Variants in ZNF804B observed in about 807,000 individuals in gnomAD.
ZNF804B encodes zinc finger protein 804B.
ZNF804B carries 80 observed loss-of-function variants against 101.4 expected under a neutral mutation model. The observed-to-expected ratio is 0.79, with a 90% CI of 0.66 to 0.95. The LOEUF (loss-of-function observed/expected upper bound fraction) is 0.95. Ranked by LOEUF, ZNF804B falls within the 40% of genes least tolerant of loss-of-function variation. The pLI, the probability that ZNF804B is intolerant of heterozygous loss-of-function variation, is 0.00. For synonymous variants in ZNF804B, 622 were observed against 558.8 expected (o/e 1.11, Z -1.59); for missense variants, 1,673 against 1,561.9 (o/e 1.07, Z -1.20).
intron 2 of ZNF804B, among the ~76,000 whole-genome samples, chr7:89,316,679 T>C (rs1790730532): frequency 6.6e-6 from 1 of 151,966 alleles, no homozygotes; most frequent in South Asian, 2.1e-4. Flanking sequence ...AAAGCTGAGG[T>C]TGTAATGTAA....
At chr7:88,967,459 G>A (rs1209144839) in intron 1 of ZNF804B, among the ~76,000 whole-genome samples, 2 of 151,580 alleles carry the variant, frequency 1.3e-5, no homozygotes, top group Non-Finnish European at 3.0e-5. Flanking sequence ...ACTTCGATGT[G>A]AGATTTGGGT....
chr7:89,100,917 G>T (rs888674792), intron 1 of ZNF804B, among the ~76,000 whole-genome samples: 6 of 151,790 alleles, frequency 4.0e-5, no homozygotes, highest in African/African-American at 9.7e-5. Flanking sequence ...AAGTTTCAAG[G>T]TTATATGTGT....
Position 88,806,638 on chromosome 7 carries a change from T to C in ZNF804B, c.108+46554T>C, listed in dbSNP as rs190914714. The stretch of plus-strand genomic sequence containing the variant: ...AGGGGTGTGTGTGTGTGTGTGTGTA[T>C]GTGTGTGTATGTGTGTGTGTTGTTA... On this transcript the variant is annotated intron_variant, in intron 1 of 3. Coordinates refer to ENST00000333190, the MANE Select transcript of ZNF804B (RefSeq NM_181646.5). Among the ~76,000 whole-genome samples the C allele has an allele frequency of 1.8e-4, 27 of 151,396 alleles. No homozygotes were observed. The East Asian group carries it at 4.1e-3, about 23-fold the overall frequency.
At chr7:89,119,058 T>C (rs748232100) in intron 1 of ZNF804B, among the ~76,000 whole-genome samples, 6 of 152,216 alleles carry the variant, frequency 3.9e-5, no homozygotes, top group Non-Finnish European at 7.3e-5. Flanking sequence ...TAATTCATCA[T>C]CATTAGACTG....
intron 1 of ZNF804B, among the ~76,000 whole-genome samples, chr7:88,815,419 G>T (rs1194449776): frequency 6.7e-6 from 1 of 149,362 alleles, no homozygotes; most frequent in Non-Finnish European, 1.5e-5. Context: ...AAATTAGTGT[G>T]AGGCTGTGTT....
intron 1 of ZNF804B, among the ~76,000 whole-genome samples, chr7:89,079,471 T>G (rs1330347417): frequency 6.6e-6 from 1 of 152,040 alleles, no homozygotes; most frequent in Non-Finnish European, 1.5e-5. Context: ...CTTTGGTAAA[T>G]TTTTCAATAT....
chr7:89,236,140 A>G (rs1789275355), intron 2 of ZNF804B, among the ~76,000 whole-genome samples: 1 of 152,100 alleles, frequency 6.6e-6, no homozygotes, highest in African/African-American at 2.4e-5. Context: ...ATTAAATTCA[A>G]TCAACATTTA....
chr7:89,077,086 G>GAAGAGCTATCTACACAGCCTATGTAGA (rs144602940), intron 1 of ZNF804B, among the ~76,000 whole-genome samples: 1 of 151,950 alleles, frequency 6.6e-6, no homozygotes, highest in Admixed American at 6.6e-5. Context: ...CAGTGATGAT[G>GAAGAGCTATCTACACAGCCTATGTAGA]ATGTTCCCTT....
intron 1 of ZNF804B, among the ~76,000 whole-genome samples, chr7:89,217,158 A>G (rs990536744): frequency 4.6e-5 from 7 of 152,216 alleles, no homozygotes; most frequent in Non-Finnish European, 8.8e-5. Flanking sequence ...ATTTAATGCT[A>G]TGTGACATAT....
intron 1 of ZNF804B, among the ~76,000 whole-genome samples, chr7:88,853,630 C>T (rs1791477556): frequency 1.3e-5 from 2 of 151,998 alleles, no homozygotes; most frequent in South Asian, 4.1e-4. Flanking sequence ...CATTAAAATG[C>T]TATATATAAC....
chr7:88,796,543 T>C (rs1180247733), intron 1 of ZNF804B, among the ~76,000 whole-genome samples: 1 of 152,140 alleles, frequency 6.6e-6, no homozygotes, highest in Admixed American at 6.6e-5. Flanking sequence ...AGTGTCCATG[T>C]TGACCAGAGC....
At chr7:89,167,119 G>T (rs2116427948) in intron 1 of ZNF804B, among the ~76,000 whole-genome samples, 1 of 151,812 alleles carries the variant, frequency 6.6e-6, no homozygotes, top group African/African-American at 2.4e-5. Context: ...TATGTGGTTT[G>T]TCTGCTAGTT....
chr7:89,015,774 G>C (rs1788542794), intron 1 of ZNF804B, among the ~76,000 whole-genome samples: 1 of 152,106 alleles, frequency 6.6e-6, no homozygotes, highest in Non-Finnish European at 1.5e-5. Flanking sequence ...CTTTGCTATT[G>C]TGAATAGTGC....
intron 2 of ZNF804B, among the ~76,000 whole-genome samples, chr7:89,256,325 G>A (rs541532857): frequency 5.9e-5 from 9 of 152,250 alleles, no homozygotes; most frequent in Admixed American, 2.6e-4. Context: ...AGGCTGAGGC[G>A]AAAGGATTGC....
At chr7:89,028,232 A>G (rs1284588303) in intron 1 of ZNF804B, among the ~76,000 whole-genome samples, 6 of 152,204 alleles carry the variant, frequency 3.9e-5, no homozygotes, top group African/African-American at 9.6e-5. Flanking sequence ...TCTTAACCCA[A>G]TATTGGCAGG....
chr7:89,153,787 A>G (rs1346995379), intron 1 of ZNF804B, among the ~76,000 whole-genome samples: 3 of 152,072 alleles, frequency 2.0e-5, no homozygotes, highest in African/African-American at 4.8e-5. Flanking sequence ...AGTTATATCA[A>G]TGCAAGAATT....
intron 1 of ZNF804B, among the ~76,000 whole-genome samples, chr7:88,979,496 T>C (rs2116129468): frequency 6.6e-6 from 1 of 152,096 alleles, no homozygotes; most frequent in East Asian, 2.0e-4. Flanking sequence ...AAACATGTTA[T>C]GCTACTCTCT....
In ZNF804B at chr7:88,776,560, G is replaced by GTTTTTTT. The variant is rs57733765; in HGVS notation, c.108+16491_108+16497dup. Among the ~76,000 whole-genome samples, 223 of 74,892 alleles carry GTTTTTTT rather than the reference G, an allele frequency of 3.0e-3. 1 individual carries two copies. The highest frequency in any genetic ancestry group is 0.01 in the Middle Eastern group (1 of 100). The allele number at this position is 74,892 out of a possible 152,430, so 49.1% of individuals were successfully genotyped here. ...GCTTTTCTATTTCTCGTGGTGTTTT[G>GTTTTTTT]TTTTTTTTTTTTTTTTTTTTTCAGA... On this transcript the variant is annotated intron_variant, in intron 1 of 3. Coordinates refer to ENST00000333190, the MANE Select transcript of ZNF804B (RefSeq NM_181646.5).
chr7:88,815,130 A>G (rs536233880), intron 1 of ZNF804B, among the ~76,000 whole-genome samples: 30 of 148,414 alleles, frequency 2.0e-4, no homozygotes, highest in Non-Finnish European at 4.0e-4. Context: ...TATGTATGGC[A>G]TAGATAAATT....
Sources: gnomAD v4.1 joint callset for allele counts (sites outside exome capture counted in the v4.1 genomes callset) on GRCh38, gnomAD v4.1.1 for gene constraint, MANE v1.5 for transcripts, NCBI Gene and HGNC (gene_info 2026-07-23, HGNC 2026-07-21) for gene names.